CRB1: variants seen among roughly 807,000 people sequenced by gnomAD.
The protein encoded by CRB1 is crumbs cell polarity complex component 1.
CRB1 carries 83 observed loss-of-function variants against 120.0 expected under a neutral mutation model. That is an observed-to-expected ratio of 0.69 (90% CI 0.58 to 0.83). The LOEUF (loss-of-function observed/expected upper bound fraction) is 0.83, where lower values mean the gene tolerates loss of function less well. Ranked by LOEUF, CRB1 falls within the 40% of genes least tolerant of loss-of-function variation. The probability of loss-of-function intolerance (pLI) is 0.00; values close to 1 mark genes in which losing one functional copy is unlikely to be tolerated. For synonymous variants in CRB1, 625 were observed against 612.5 expected, an observed-to-expected ratio of 1.02 and a Z score of -0.30; for missense variants, 1,699 against 1,687.6, an observed-to-expected ratio of 1.01 and a Z score of -0.12.
In CRB1 at chr1:197,421,851, T is replaced by A. The variant is rs1664347859; in HGVS notation, c.2023T>A (p.Trp675Arg). The change falls in exon 6 of 12, where the codon TGG becomes AGG. Residue 675 changes from tryptophan (W) to arginine (R), a missense_variant. Transcript: ENST00000367400. ...CAAGGCAGGCTGTGTGAGAAAGGAT[T>A]GGTGTGAAAGCCAACCTTGTCAAAG... The part of the protein sequence containing the change: ...NVKAGCVRKD[W>R]CESQPCQSRG... 6.2e-7 allele frequency: 1 copy of A among 1,614,090 alleles called. No individual in the cohort carries two copies. The highest frequency in any genetic ancestry group is 1.7e-5 in the Admixed American group (1 of 60,010).
intron 8 of CRB1, 31 bp from the exon 9 acceptor site, chr1:197,434,675 G>C: frequency 6.3e-7 from 1 of 1,578,030 alleles, no homozygotes; most frequent in Non-Finnish European, 8.7e-7. Context: ...ATTTAATAAA[G>C]TTATTGATTA....
chr1:197,392,359 A>C (rs1662549831), intron 5 of CRB1, among the ~76,000 whole-genome samples: 1 of 152,176 alleles, frequency 6.6e-6, no homozygotes, highest in Admixed American at 6.6e-5. Context: ...TGTATGGCTG[A>C]ATGAGAAAAC....
At chr1:197,223,889 C>G in the CRB1 span, among the ~76,000 whole-genome samples, 954 of 152,158 alleles carry the variant, frequency 6.3e-3, 13 homozygotes, top group African/African-American at 0.022. Context: ...TAAGAAGAAA[C>G]TAGCCTTGTG....
At chr1:197,438,523 T>G in intron 9 of CRB1, 24 bp from the exon 10 acceptor site, 1 of 1,611,064 alleles carries the variant, frequency 6.2e-7, no homozygotes, top group Non-Finnish European at 8.5e-7. Context: ...TGAACAGCTG[T>G]GGCTCTTGCT....
intron 6 of CRB1, among the ~76,000 whole-genome samples, chr1:197,425,885 G>A (rs1177719909): frequency 6.6e-6 from 1 of 151,770 alleles, no homozygotes; most frequent in Non-Finnish European, 1.5e-5. Context: ...TTGGATGTAT[G>A]CCCCCTCCAA....
At chr1:197,234,423 G>C in the CRB1 span, among the ~76,000 whole-genome samples, 3 of 152,206 alleles carry the variant, frequency 2.0e-5, no homozygotes, top group African/African-American at 7.2e-5. Flanking sequence ...TCTTCCAACA[G>C]CCTGAGTGAG....
the CRB1 span, among the ~76,000 whole-genome samples, chr1:197,210,605 C>G: frequency 6.6e-6 from 1 of 151,996 alleles, no homozygotes; most frequent in Non-Finnish European, 1.5e-5. Context: ...ATCAGTCTAC[C>G]TATCTAAGAG....
the CRB1 span, among the ~76,000 whole-genome samples, chr1:197,249,679 A>C: frequency 6.6e-6 from 1 of 151,964 alleles, no homozygotes; most frequent in Non-Finnish European, 1.5e-5. Flanking sequence ...AAATAAAACT[A>C]TTGGTGTGAT....
the CRB1 span, among the ~76,000 whole-genome samples, chr1:197,245,132 A>G: frequency 6.6e-6 from 1 of 151,902 alleles, no homozygotes; most frequent in Non-Finnish European, 1.5e-5. Context: ...ACGTATGTAT[A>G]CATGTGCCAT....
At chr1:197,344,537 C>T in intron 3 of CRB1, 61 bp downstream of exon 3, 1 of 1,503,232 alleles carries the variant, frequency 6.7e-7, no homozygotes, top group East Asian at 2.3e-5. Context: ...ACTATTTTAC[C>T]ACTCTGTTGA....
Position 197,421,906 on chromosome 1 carries a change from G to A in CRB1, c.2078G>A (p.Ser693Asn). Reference sequence around the variant, plus strand: ...GGACGCTGCATCAACTTGTGGCTGAGTTACCAGTGTGACTGCCACAGGCCC... The same window carrying A: ...GGACGCTGCATCAACTTGTGGCTGAATTACCAGTGTGACTGCCACAGGCCC... ...SRGRCINLWL[S>N]YQCDCHRPYE... The change falls in exon 6 of 12, where the codon AGT becomes AAT. Residue 693 changes from serine (S) to asparagine (N), a missense_variant. Transcript: ENST00000367400. 6.2e-7 allele frequency: 1 copy of A among 1,614,198 alleles called. No homozygotes were observed. Among genetic ancestry groups the A allele is most frequent in the Non-Finnish European group, 8.5e-7 (1 of 1,180,044 alleles).
chr1:197,283,840 T>G lies in CRB1; in HGVS notation c.70+15358T>G, dbSNP rs1345088193. On this transcript the variant is annotated intron_variant, in intron 1 of 11. Coordinates refer to ENST00000367400, the MANE Select transcript of CRB1 (RefSeq NM_201253.3). The stretch of plus-strand genomic sequence containing the variant: ...AAATAAATTTTATTTTAAAAATAAT[T>G]TAGTTATTCAAACAATAAATTTTAA... 2.0e-5 allele frequency among the ~76,000 whole-genome samples: 3 copies of G among 151,438 alleles called. No homozygotes were observed. In the East Asian group the frequency reaches 5.8e-4, roughly 29 times the overall value.
At chr1:197,202,083 C>T in the CRB1 span, among the ~76,000 whole-genome samples, 1 of 152,030 alleles carries the variant, frequency 6.6e-6, no homozygotes, top group Non-Finnish European at 1.5e-5. Flanking sequence ...ATTTTACAGG[C>T]ATAAGGAATA....
At chr1:197,296,228 A>G (rs1486510607) in intron 1 of CRB1, among the ~76,000 whole-genome samples, 1 of 152,068 alleles carries the variant, frequency 6.6e-6, no homozygotes, top group African/African-American at 2.4e-5. Context: ...GCCAGACTGC[A>G]GGCCTTGAAT....
chr1:197,332,428 A>G (rs955848517), intron 2 of CRB1, among the ~76,000 whole-genome samples: 1 of 152,178 alleles, frequency 6.6e-6, no homozygotes, highest in African/African-American at 2.4e-5. Flanking sequence ...AATCAGCTAC[A>G]TGTTATTATT....
the CRB1 span, among the ~76,000 whole-genome samples, chr1:197,229,128 C>G: frequency 2.0e-5 from 3 of 152,122 alleles, no homozygotes; most frequent in Non-Finnish European, 4.4e-5. Flanking sequence ...ATGCTGACAT[C>G]CTGATCTTGG....
chr1:197,404,101 T>C (rs547009009), intron 5 of CRB1, among the ~76,000 whole-genome samples: 1 of 152,296 alleles, frequency 6.6e-6, no homozygotes, highest in Non-Finnish European at 1.5e-5. Context: ...TTTTGCCTTG[T>C]TTTGTTCTGC....
intron 4 of CRB1, among the ~76,000 whole-genome samples, chr1:197,354,390 GCCACAGAC>G (rs1660307109): frequency 6.6e-6 from 1 of 152,194 alleles, no homozygotes; most frequent in Admixed American, 6.5e-5. Context: ...CAAGAATGAA[GCCACAGAC>G]CCTCGCAGTG....
At chr1:197,297,137 A>G (rs1165169581) in intron 1 of CRB1, among the ~76,000 whole-genome samples, 2 of 151,528 alleles carry the variant, frequency 1.3e-5, no homozygotes, top group South Asian at 2.1e-4. Flanking sequence ...GGGCCACTGA[A>G]TCTTGTGGCA....
Sources: allele counts gnomAD v4.1 joint callset (sites outside exome capture counted in the v4.1 genomes callset), GRCh38; gene constraint gnomAD v4.1.1; transcripts MANE v1.5; gene names NCBI Gene and HGNC (gene_info 2026-07-23, HGNC 2026-07-21).